KLF12: variants seen among roughly 807,000 people sequenced by gnomAD.
KLF12 encodes Krueppel-like factor 12.
A neutral mutation model predicts 37.8 loss-of-function variants in KLF12; 9 were observed. The ratio of observed to expected loss-of-function variants is 0.24; its 90% CI spans 0.14 to 0.42. The LOEUF is 0.42. Ranked by LOEUF, KLF12 falls within the 10% of genes least tolerant of loss-of-function variation. The pLI, the probability that KLF12 is intolerant of heterozygous loss-of-function variation, is 1.00. For missense variants in KLF12, 411 were observed against 516.0 expected (o/e 0.80, Z 1.97); for synonymous variants, 208 against 202.1 (o/e 1.03, Z -0.25).
the KLF12 span, among the ~76,000 whole-genome samples, chr13:74,152,261 A>G: frequency 6.6e-6 from 1 of 152,214 alleles, no homozygotes; most frequent in Non-Finnish European, 1.5e-5. Flanking sequence ...TAAGTTTCTC[A>G]TTATTAATTA....
intron 4 of KLF12, among the ~76,000 whole-genome samples, chr13:73,825,909 A>C (rs1342015678): frequency 6.6e-6 from 1 of 152,156 alleles, no homozygotes; most frequent in African/African-American, 2.4e-5. Context: ...GAGAGTAGCT[A>C]AGCTTTCTAC....
At chr13:74,204,755 T>A in the KLF12 span, among the ~76,000 whole-genome samples, 1 of 152,178 alleles carries the variant, frequency 6.6e-6, no homozygotes, top group African/African-American at 2.4e-5. Context: ...AGTTTCTGCA[T>A]GGCATCTGAA....
intron 1 of KLF12, among the ~76,000 whole-genome samples, chr13:74,115,733 C>T (rs897421684): frequency 1.3e-5 from 2 of 151,430 alleles, no homozygotes; most frequent in African/African-American, 4.9e-5. Flanking sequence ...TTTTCCTTGC[C>T]TCTTGCAACC....
intron 1 of KLF12, among the ~76,000 whole-genome samples, chr13:74,066,620 T>A (rs1292472256): frequency 6.6e-6 from 1 of 152,176 alleles, no homozygotes; most frequent in Non-Finnish European, 1.5e-5. Context: ...ATCCAAACAA[T>A]GAGGAACTGC....
chr13:74,231,798 A>G, the KLF12 span: 4 of 152,172 alleles, frequency 2.6e-5, no homozygotes, highest in African/African-American at 9.7e-5. Flanking sequence ...AATTATTATT[A>G]TATGCTTGCA....
chr13:73,766,026 G>A (rs944046706), intron 5 of KLF12, among the ~76,000 whole-genome samples: 1 of 152,206 alleles, frequency 6.6e-6, no homozygotes, highest in African/African-American at 2.4e-5. Context: ...AGGGCCAACT[G>A]CAGTCTTTCC....
At position 73,822,972 on chromosome 13, in the gene KLF12, C is replaced by T. The variant is rs543314815; in HGVS notation, c.671-9685G>A. ...ACCGATTTATTCAAAACTGAAACTA[C>T]TATAGGCAGAGATGTAAAATAATAA... On this transcript the variant is annotated intron_variant, in intron 4 of 7. Transcript: ENST00000377669. Among the ~76,000 whole-genome samples the T allele has an allele frequency of 2.6e-5, 4 of 152,258 alleles. No individual in the cohort carries two copies. In the South Asian group the frequency reaches 8.3e-4, roughly 32 times the overall value.
chr13:73,813,708 T>C (rs916082448), intron 4 of KLF12, among the ~76,000 whole-genome samples: 1 of 152,180 alleles, frequency 6.6e-6, no homozygotes, highest in African/African-American at 2.4e-5. Context: ...GGAAAGGAGA[T>C]ATTAGTTGCT....
At chr13:73,787,870 A>C (rs1305200387) in intron 5 of KLF12, among the ~76,000 whole-genome samples, 1 of 150,168 alleles carries the variant, frequency 6.7e-6, no homozygotes, top group African/African-American at 2.4e-5. Context: ...TGACAACTTT[A>C]AAATTTCTAG....
chr13:74,011,552 A>G (rs1892552429), intron 1 of KLF12, among the ~76,000 whole-genome samples: 1 of 152,212 alleles, frequency 6.6e-6, no homozygotes, highest in African/African-American at 2.4e-5. Flanking sequence ...GGATTCAATT[A>G]ACTGCAGATC....
intron 3 of KLF12, among the ~76,000 whole-genome samples, chr13:73,933,076 C>T (rs567093003): frequency 1.3e-5 from 2 of 152,168 alleles, no homozygotes; most frequent in Non-Finnish European, 2.9e-5. Context: ...ATCATCTCTG[C>T]AACTTTATTT....
chr13:74,116,809 T>G (rs1041739413), intron 1 of KLF12, among the ~76,000 whole-genome samples: 1 of 152,164 alleles, frequency 6.6e-6, no homozygotes, highest in Non-Finnish European at 1.5e-5. Flanking sequence ...TCTAGCAGAT[T>G]ATAAAATAAT....
chr13:74,006,493 T>C (rs1892412508), intron 1 of KLF12, among the ~76,000 whole-genome samples: 1 of 152,206 alleles, frequency 6.6e-6, no homozygotes, highest in Non-Finnish European at 1.5e-5. Context: ...CACATATATG[T>C]ATCAGTGAAC....
chr13:74,269,103 A>G, the KLF12 span, among the ~76,000 whole-genome samples: 1 of 152,214 alleles, frequency 6.6e-6, no homozygotes, highest in Non-Finnish European at 1.5e-5. Flanking sequence ...AGGATCATCT[A>G]AGACTTAGAA....
Position 74,070,101 on chromosome 13 carries a change from C to T in KLF12, c.-32+63638G>A, listed in dbSNP as rs182956799. 2.6e-3 allele frequency among the ~76,000 whole-genome samples: 396 copies of T among 152,026 alleles called. 5 individuals are homozygous for T. Among genetic ancestry groups the T allele is most frequent in the African/African-American group, 9.2e-3 (381 of 41,462 alleles). ...CATGATGTAAGGGCAAATAGAGAAA[C>T]GAGGAAGACAGATGAAACTCTTTCA... On this transcript the variant is annotated intron_variant, in intron 1 of 7. Transcript: ENST00000377669.
At chr13:74,239,364 T>C in the KLF12 span, among the ~76,000 whole-genome samples, 1 of 137,134 alleles carries the variant, frequency 7.3e-6, no homozygotes, top group East Asian at 2.1e-4. Flanking sequence ...CTTCCCAGTA[T>C]GTGGTCAATT....
At chr13:73,708,589 C>A (rs1171648215) in intron 7 of KLF12, among the ~76,000 whole-genome samples, 1 of 152,058 alleles carries the variant, frequency 6.6e-6, no homozygotes, top group Admixed American at 6.6e-5. Flanking sequence ...CATCTAGTGG[C>A]TGTAGGAATC....
intron 1 of KLF12, among the ~76,000 whole-genome samples, chr13:74,011,015 T>A (rs187535887): frequency 4.0e-4 from 61 of 152,332 alleles, no homozygotes; most frequent in African/African-American, 1.5e-3. Context: ...AATTAGACTT[T>A]GATTTTCAGT....
chr13:73,748,045 TGGAGG>T (rs932508704), intron 6 of KLF12, among the ~76,000 whole-genome samples: 1 of 152,182 alleles, frequency 6.6e-6, no homozygotes, highest in African/African-American at 2.4e-5. Flanking sequence ...TTGTTTCCAC[TGGAGG>T]GAAGTGTTGA....
Sources: gnomAD v4.1 joint callset for allele counts (sites outside exome capture counted in the v4.1 genomes callset) on GRCh38, gnomAD v4.1.1 for gene constraint, MANE v1.5 for transcripts, NCBI Gene and HGNC (gene_info 2026-07-23, HGNC 2026-07-21) for gene names.